LRRC45: variants seen among roughly 807,000 people sequenced by gnomAD.
LRRC45 encodes the protein leucine-rich repeat-containing protein 45.
In LRRC45, 73 loss-of-function variants were observed where a neutral mutation model predicts 85.4. The observed-to-expected ratio is 0.85, with a 90% confidence interval of 0.71 to 1.04. The LOEUF is 1.04. Ranked by LOEUF, LRRC45 falls within the 50% of genes least tolerant of loss-of-function variation. LRRC45 has a pLI of 0.00. For synonymous variants in LRRC45, 429 were observed against 386.0 expected (o/e 1.11, Z -1.31); for missense variants, 937 against 883.3 (o/e 1.06, Z -0.77).
chr17:82,029,081 G>A lies in LRRC45; in HGVS notation c.1309-12G>A. The A allele has an allele frequency of 1.2e-6, 2 of 1,610,828 alleles. No homozygotes were observed. The highest frequency in any genetic ancestry group is 1.7e-6 in the Non-Finnish European group (2 of 1,179,226). Reference sequence around the variant, plus strand: ...TCTCCACTCTGGCCCCACAATCCCTGCCCCTGAGCAGGTGGAGCATATGAC... The same window carrying A: ...TCTCCACTCTGGCCCCACAATCCCTACCCCTGAGCAGGTGGAGCATATGAC... On this transcript the variant is annotated splice_polypyrimidine_tract_variant and intron_variant, in intron 12 of 16. Transcript: ENST00000306688.
chr17:82,024,124 A>G, intron 1 of LRRC45, 154 bp from the exon 2 acceptor site: 1 of 912,782 alleles, frequency 1.1e-6, no homozygotes, highest in Non-Finnish European at 1.6e-6. Context: ...TGTTTCAAAC[A>G]TGACTTCGCA....
At chr17:82,029,409 G>A in intron 13 of LRRC45, 134 bp from the exon 14 acceptor site, 1 of 1,058,550 alleles carries the variant, frequency 9.4e-7, no homozygotes, top group Non-Finnish European at 1.4e-6. Context: ...GAGCTAGGTG[G>A]CAGAGCAGCT....
chr17:82,031,083 C>G lies in LRRC45; in HGVS notation c.*278C>G, dbSNP rs1383636954. On this transcript the variant is annotated 3_prime_UTR_variant, in exon 17 of 17. Transcript: ENST00000306688. ...GTCTCCCCCTCGCCTTTTGCGATGT[C>G]ACCGTGAACGCTGCGGCCGCCTGCG... is the stretch of plus-strand genomic sequence containing the variant. 1 of 374,320 alleles carries G rather than the reference C, an allele frequency of 2.7e-6. No homozygotes were observed. Among genetic ancestry groups the G allele is most frequent in the African/African-American group, 2.1e-5 (1 of 48,142 alleles). The allele number at this position is 374,320 out of a possible 1,614,324, so 23.2% of individuals were successfully genotyped here.
chr17:82,028,846 TG>T, intron 12 of LRRC45, 163 bp downstream of exon 12: 1 of 866,004 alleles, frequency 1.2e-6, no homozygotes, highest in South Asian at 1.8e-5. Flanking sequence ...AACCTCCTAT[TG>T]GGGGCGGCGG....
intron 5 of LRRC45, 124 bp from the exon 6 acceptor site, chr17:82,026,775 T>C (rs1324774696): frequency 3.0e-6 from 2 of 665,864 alleles, no homozygotes; most frequent in Non-Finnish European, 5.3e-6. Flanking sequence ...AGATGGGGTT[T>C]CACCATGTTG....
chr17:82,027,205 G>T (rs186746338), intron 6 of LRRC45, among the ~76,000 whole-genome samples, 181 bp from the exon 7 acceptor site: 55 of 152,318 alleles, frequency 3.6e-4, no homozygotes, highest in African/African-American at 1.3e-3. Context: ...GGGAGCTGGC[G>T]TCTGAGCCCT....
At chr17:82,026,564 T>TGTGTGTGTGTGTG (rs1555644848) in intron 5 of LRRC45, among the ~76,000 whole-genome samples, 112 of 137,566 alleles carry the variant, frequency 8.1e-4, no homozygotes, top group African/African-American at 2.9e-3. Context: ...CACAGCTCCT[T>TGTGTGTGTGTGTG]TGTGTGTGTG....
rs2043369311 is a variant in LRRC45, at chr17:82,026,572, G to GTGTGTGTA, written c.662-320_662-319insATGTGTGT. On this transcript the variant is annotated intron_variant, in intron 5 of 16. Transcript: ENST00000306688. ...GGGGTGACACAGCTCCTTTGTGTGT[G>GTGTGTGTA]TGTGTGTGTGTGTGTGTGTGTGTGT... 2.0e-5 allele frequency among the ~76,000 whole-genome samples: 3 copies of GTGTGTGTA among 150,454 alleles called. No individual in the cohort carries two copies. The South Asian group carries it at 6.3e-4, about 32-fold the overall frequency.
Position 82,023,788 on chromosome 17 carries a change from G to A in LRRC45, c.145G>A (p.Ala49Thr), listed in dbSNP as rs1330325958. The A allele has an allele frequency of 4.5e-6, 7 of 1,566,922 alleles. No individual in the cohort carries two copies. The Admixed American group carries it at 1.3e-4, about 29-fold the overall frequency. Residue 49 changes from alanine (A) to threonine (T), a missense_variant, in exon 1 of 17, where the codon GCC becomes ACC. Ala to Thr is a moderately conservative substitution (Grantham distance 58, BLOSUM62 0). Coordinates refer to ENST00000306688, the MANE Select transcript of LRRC45 (RefSeq NM_144999.4). ...AAGCCTGACGGTGGAGACCTGCAGG[G>A]CCCTGGGCAAGCTGCTGCCGAGGGA... Reference protein sequence around the residue: ...TQSLTVETCRALGKLLPRETL... With the variant: ...TQSLTVETCRTLGKLLPRETL...
chr17:82,030,325 A>G lies in LRRC45; in HGVS notation c.1675A>G (p.Ser559Gly), dbSNP rs779772807. ...CAGCCTTCGTGCCTGGCAGGAGCTG[A>G]GCCTCAAGGACCAGGAAAGGGTGGC... is the stretch of plus-strand genomic sequence containing the variant. ...RRLEELQQEL[S>G]LKDQERVAEV... is the part of the protein sequence containing the mutation. The change falls in exon 16 of 17, where the codon AGC becomes GGC. Residue 559 changes from serine (S) to glycine (G), a missense_variant. By Grantham distance (56) the Ser-to-Gly change is moderately conservative (BLOSUM62 0). Coordinates refer to ENST00000306688, the MANE Select transcript of LRRC45 (RefSeq NM_144999.4). The G allele has an allele frequency of 2.6e-6, 4 of 1,549,198 alleles. No individual in the cohort carries two copies. Among genetic ancestry groups the G allele is most frequent in the South Asian group, 1.2e-5 (1 of 84,034 alleles).
chr17:82,028,903 G>C, intron 12 of LRRC45, 190 bp from the exon 13 acceptor site: 1 of 718,226 alleles, frequency 1.4e-6, no homozygotes, highest in Non-Finnish European at 2.3e-6. Context: ...TGCCGTTGAA[G>C]AGACACCAAG....
Position 82,024,303 on chromosome 17 carries a change from G to T in LRRC45, c.246G>T (p.Leu82=). ...GGGCCACACTGCTGCTCCGAGGCCT[G>T]TGTGCCAACACCGTGCTGCGCTTTC... The part of the protein sequence containing the change: ...EEGATLLLRG[L]CANTVLRFLD... The change falls in exon 2 of 17, where the codon CTG becomes CTT. Residue 82 remains leucine, a synonymous_variant. Coordinates refer to ENST00000306688, the MANE Select transcript of LRRC45 (RefSeq NM_144999.4). The T allele has an allele frequency of 6.2e-7, 1 of 1,612,458 alleles. No homozygotes were observed. Among genetic ancestry groups the T allele is most frequent in the Admixed American group, 1.7e-5 (1 of 60,016 alleles).
Position 82,030,208 on chromosome 17 carries a change from C to T in LRRC45, c.1638C>T (p.Gly546=), listed in dbSNP as rs1027353907. The part of the protein sequence containing the change: ...RVSQLGLQVE[G]LRRRLEELQQ... ...GCCAGCTGGGCCTGCAAGTTGAGGG[C>T]CTGCGGCGGCGCCTGGAAGAGCTGC... is the stretch of plus-strand genomic sequence containing the variant. The change falls in exon 15 of 17, where the codon GGC becomes GGT. Residue 546 remains glycine (G), a synonymous_variant. Transcript: ENST00000306688. 1 of 1,537,530 alleles carries T rather than the reference C, an allele frequency of 6.5e-7. No individual in the cohort carries two copies. The highest frequency in any genetic ancestry group is 1.2e-5 in the South Asian group (1 of 83,272).
At position 82,024,258 on chromosome 17, in the gene LRRC45, C is replaced by T. The variant is rs1462795649; in HGVS notation, c.221-20C>T. On this transcript the variant is annotated intron_variant, in intron 1 of 16. Coordinates refer to ENST00000306688, the MANE Select transcript of LRRC45 (RefSeq NM_144999.4). ...GGGGTCAGCAGGGGCAGAGAGTGAC[C>T]GCCGGCCCCCCTTACACAGGGGCCA... is the stretch of plus-strand genomic sequence containing the variant. The T allele has an allele frequency of 5.0e-6, 8 of 1,610,168 alleles. No individual in the cohort carries two copies. Among genetic ancestry groups the T allele is most frequent in the East Asian group, 2.2e-5 (1 of 44,854 alleles).
Position 82,025,007 on chromosome 17 carries a change from C to T in LRRC45, c.361C>T (p.Leu121=), listed in dbSNP as rs1213104991. The change falls in exon 4 of 17, where the codon CTG becomes TTG. Residue 121 remains leucine, a synonymous_variant. Transcript: ENST00000306688. ...QQNKSIQSLT[L]EWNSLGTWDD... Reference sequence around the variant, plus strand: ...CTTCTGCCCCTCCTGCAGCCTCACGCTGGAGTGGAACAGCCTGGGCACGTG... The same window carrying T: ...CTTCTGCCCCTCCTGCAGCCTCACGTTGGAGTGGAACAGCCTGGGCACGTG... The T allele has an allele frequency of 2.5e-6, 4 of 1,582,514 alleles. No individual in the cohort carries two copies. The highest frequency in any genetic ancestry group is 3.4e-6 in the Non-Finnish European group (4 of 1,163,660).
chr17:82,027,136 T>G (rs779894738), intron 6 of LRRC45, 125 bp downstream of exon 6: 14 of 932,466 alleles, frequency 1.5e-5, no homozygotes, highest in Non-Finnish European at 2.1e-5. Context: ...CCTCTCTGAG[T>G]GGCTGGTACC....
rs200760775 is a variant in LRRC45, at chr17:82,024,679, T to C, written c.283-14T>C. 398 of 1,568,298 alleles carry C rather than the reference T, an allele frequency of 2.5e-4. No individual in the cohort carries two copies. The highest frequency in any genetic ancestry group is 3.3e-4 in the Non-Finnish European group (383 of 1,161,128). On this transcript the variant is annotated splice_polypyrimidine_tract_variant and intron_variant, in intron 2 of 16. Coordinates refer to ENST00000306688, the MANE Select transcript of LRRC45 (RefSeq NM_144999.4). ...CAGGGCACGCGAGTGACTACCGGCC[T>C]GTTTCTCTCCTAGGGCAACAACCTT...
At chr17:82,029,482 G>C in intron 13 of LRRC45, 61 bp from the exon 14 acceptor site, 3 of 1,518,558 alleles carry the variant, frequency 2.0e-6, no homozygotes, top group Non-Finnish European at 2.7e-6. Flanking sequence ...GGATGGGCCA[G>C]AGAGAGAAGG....
In LRRC45 at chr17:82,030,792, GC is replaced by G; in HGVS notation, c.2006del (p.Pro669GlnfsTer?). 1.4e-6 allele frequency: 2 copies of G among 1,379,512 alleles called. No individual in the cohort carries two copies. Among genetic ancestry groups the G allele is most frequent in the Non-Finnish European group, 1.9e-6 (2 of 1,050,602 alleles). 85.5% of individuals were successfully genotyped at this position (1,379,512 alleles called of 1,614,324 possible). Reference protein sequence around the residue: ...YVQASPVRTLSPPK With the variant: ...YVQASPVRTLXPPK ...CAGGCGTCCCCCGTGAGGACCCTGA[GC>G]CCCCCAAAGTGAGACAGGCCGGGAG... is the stretch of plus-strand genomic sequence containing the variant. On this transcript the variant is annotated frameshift_variant, in exon 17 of 17. Coordinates refer to ENST00000306688, the MANE Select transcript of LRRC45 (RefSeq NM_144999.4). LOFTEE classifies it high-confidence loss of function.
Sources: gnomAD v4.1 joint callset for allele counts (sites outside exome capture counted in the v4.1 genomes callset) on GRCh38, gnomAD v4.1.1 for gene constraint, MANE v1.5 for transcripts, NCBI Gene and HGNC (gene_info 2026-07-23, HGNC 2026-07-21) for gene names.